Variants in SV2C observed in about 807,000 individuals in gnomAD.
SV2C encodes the protein synaptic vesicle glycoprotein 2C.
A neutral mutation model predicts 79.7 loss-of-function variants in SV2C; 49 were observed. That is an observed-to-expected ratio of 0.61 (90% CI 0.49 to 0.78). The LOEUF is 0.78. Ranked by LOEUF, SV2C falls within the 30% of genes least tolerant of loss-of-function variation. The pLI is 0.00. For missense variants in SV2C, 833 were observed against 912.9 expected (o/e 0.91, Z 1.13); for synonymous variants, 334 against 333.2 (o/e 1.00, Z -0.03).
chr5:76,168,663 T>C (rs1743118328), intron 2 of SV2C, among the ~76,000 whole-genome samples: 2 of 152,178 alleles, frequency 1.3e-5, no homozygotes, highest in Non-Finnish European at 2.9e-5. Context: ...ATATCTTCCC[T>C]TCCTTGTCAG....
intron 4 of SV2C, among the ~76,000 whole-genome samples, chr5:76,254,470 G>C (rs1337285175): frequency 6.6e-6 from 1 of 152,036 alleles, no homozygotes; most frequent in Non-Finnish European, 1.5e-5. Context: ...TTACAATGGT[G>C]TCACTCACTT....
chr5:76,321,125 A>T (rs1399313306), intron 12 of SV2C, among the ~76,000 whole-genome samples: 1 of 152,216 alleles, frequency 6.6e-6, no homozygotes, highest in Non-Finnish European at 1.5e-5. Context: ...TATCTCGGTT[A>T]TGAAGAGTCC....
At chr5:76,079,611 A>G, upstream of SV2C, 1 of 344,348 alleles carries the variant, frequency 2.9e-6, no homozygotes, top group Non-Finnish European at 5.8e-6. Context: ...TATTTTACAC[A>G]GGCAAACTGT....
chr5:76,177,793 G>C (rs1480201465), intron 2 of SV2C, among the ~76,000 whole-genome samples: 2 of 149,510 alleles, frequency 1.3e-5, no homozygotes, highest in African/African-American at 4.9e-5. Flanking sequence ...TTTAAACAGA[G>C]GTCACTCAGT....
At chr5:76,139,504 G>GT (rs557263004) in intron 2 of SV2C, among the ~76,000 whole-genome samples, 89 of 152,234 alleles carry the variant, frequency 5.8e-4, no homozygotes, top group Non-Finnish European at 1.1e-3. Flanking sequence ...CTGGCATTCT[G>GT]TTTTTTTCTA....
chr5:75,933,551 C>G, the SV2C span, among the ~76,000 whole-genome samples: 5 of 152,146 alleles, frequency 3.3e-5, no homozygotes, highest in Admixed American at 3.3e-4. Context: ...ATTCAAGGAG[C>G]CAGACTCCTT....
At chr5:76,100,299 T>C (rs1747696875) in intron 1 of SV2C, among the ~76,000 whole-genome samples, 1 of 152,214 alleles carries the variant, frequency 6.6e-6, no homozygotes, top group Non-Finnish European at 1.5e-5. Context: ...TCAACTTTTT[T>C]CTACGTTTGA....
At chr5:76,063,813 A>C in the SV2C span, among the ~76,000 whole-genome samples, 14 of 152,220 alleles carry the variant, frequency 9.2e-5, no homozygotes, top group African/African-American at 2.9e-4. Context: ...CCTCTCCAAG[A>C]AACTTGCATT....
intron 12 of SV2C, among the ~76,000 whole-genome samples, chr5:76,351,012 C>CA (rs57145451): frequency 0.48 from 65,734 of 136,302 alleles, 15,488 homozygotes; most frequent in African/African-American, 0.59. Context: ...GACTCCATCT[C>CA]AAAAAAAAAA....
chr5:76,191,791 G>A (rs1744111737), intron 2 of SV2C, among the ~76,000 whole-genome samples: 1 of 152,224 alleles, frequency 6.6e-6, no homozygotes, highest in East Asian at 1.9e-4. Flanking sequence ...CAGAACTATG[G>A]TAGGAAGAGT....
chr5:76,276,856 AACAC>A (rs1747039430), intron 4 of SV2C, among the ~76,000 whole-genome samples: 1 of 152,104 alleles, frequency 6.6e-6, no homozygotes, highest in African/African-American at 2.4e-5. Context: ...GGTGTGAGCC[AACAC>A]ATCTGGCCTT....
At chr5:75,992,012 A>G in the SV2C span, among the ~76,000 whole-genome samples, 1 of 151,872 alleles carries the variant, frequency 6.6e-6, no homozygotes. Context: ...GGCAAATTTT[A>G]GAATCACTTA....
chr5:76,125,894 C>CA (rs1580286587), intron 1 of SV2C, among the ~76,000 whole-genome samples: 1 of 152,012 alleles, frequency 6.6e-6, no homozygotes, highest in Non-Finnish European at 1.5e-5. Context: ...TTCATCTCTA[C>CA]AAAAAATAAA....
the SV2C span, among the ~76,000 whole-genome samples, chr5:75,851,592 C>A: frequency 2.0e-5 from 3 of 147,168 alleles, no homozygotes; most frequent in Non-Finnish European, 2.9e-5. Context: ...AAAGAAAAGT[C>A]TTTCATAAGT....
At chr5:75,970,225 A>T in the SV2C span, among the ~76,000 whole-genome samples, 1 of 152,114 alleles carries the variant, frequency 6.6e-6, no homozygotes, top group Non-Finnish European at 1.5e-5. Flanking sequence ...AAAGCAGGAA[A>T]GATCTAAAAT....
chr5:76,126,120 G>T (rs541670716), intron 1 of SV2C, among the ~76,000 whole-genome samples: 3 of 152,228 alleles, frequency 2.0e-5, no homozygotes, highest in African/African-American at 7.2e-5. Flanking sequence ...CTGTTTTCAG[G>T]AAAGTTACAC....
At chr5:75,991,964 AT>A in the SV2C span, among the ~76,000 whole-genome samples, 1 of 151,572 alleles carries the variant, frequency 6.6e-6, no homozygotes, top group Non-Finnish European at 1.5e-5. Flanking sequence ...TTGTTTTGCA[AT>A]TTTTTTCTTG....
chr5:76,057,521 G>A, the SV2C span, among the ~76,000 whole-genome samples: 2 of 152,018 alleles, frequency 1.3e-5, no homozygotes, highest in East Asian at 3.9e-4. Flanking sequence ...GAATGATGGT[G>A]AAGTTTTAAA....
At chr5:75,968,055 C>G in the SV2C span, among the ~76,000 whole-genome samples, 14 of 152,300 alleles carry the variant, frequency 9.2e-5, no homozygotes, top group South Asian at 2.9e-3. Context: ...GATACCCAGG[C>G]AAACAGGGTC....
Sources: allele counts gnomAD v4.1 joint callset (sites outside exome capture counted in the v4.1 genomes callset), GRCh38; gene constraint gnomAD v4.1.1; transcripts MANE v1.5; gene names NCBI Gene and HGNC (gene_info 2026-07-23, HGNC 2026-07-21).